Variants in IMPA2 observed in about 807,000 individuals in gnomAD.
The protein encoded by IMPA2 is inositol monophosphatase 2.
IMPA2 carries 32 observed loss-of-function variants against 35.1 expected under a neutral mutation model. That is an observed-to-expected ratio of 0.91 (90% CI 0.69 to 1.23). The LOEUF (loss-of-function observed/expected upper bound fraction) is 1.23, where lower values mean the gene tolerates loss of function less well. Among genes scored for constraint, IMPA2 ranks in the 50% most tolerant of loss-of-function variants. The probability of loss-of-function intolerance (pLI) is 0.00; values close to 1 mark genes in which losing one functional copy is unlikely to be tolerated. For synonymous variants in IMPA2, 135 were observed against 160.6 expected, an observed-to-expected ratio of 0.84 and a Z score of 1.20; for missense variants, 334 against 387.6, an observed-to-expected ratio of 0.86 and a Z score of 1.16.
chr18:11,997,631 C>A lies in IMPA2; in HGVS notation c.97-1423C>A, dbSNP rs370036262. 3.9e-5 allele frequency among the ~76,000 whole-genome samples: 6 copies of A among 152,274 alleles called. No homozygotes were observed. The East Asian group carries it at 7.7e-4, about 20-fold the overall frequency. ...TGAGTTTCGGGGGCTCCTGCCTGTT[C>A]TGTAGAATTCCCCGTGTGCTTCTTC... On this transcript the variant is annotated intron_variant, in intron 1 of 7. Coordinates refer to ENST00000269159, the MANE Select transcript of IMPA2 (RefSeq NM_014214.3).
intron 5 of IMPA2, among the ~76,000 whole-genome samples, chr18:12,021,511 G>A (rs964553228): frequency 6.6e-6 from 1 of 152,096 alleles, no homozygotes; most frequent in African/African-American, 2.4e-5. Flanking sequence ...CTCTTACTCT[G>A]TGAGTACGTA....
intron 4 of IMPA2, among the ~76,000 whole-genome samples, chr18:12,012,507 C>T (rs928777925): frequency 3.9e-5 from 6 of 152,172 alleles, no homozygotes; most frequent in Non-Finnish European, 8.8e-5. Context: ...CTTAAGTGAA[C>T]GGTCCAAGTG....
intron 1 of IMPA2, among the ~76,000 whole-genome samples, chr18:11,984,358 G>A (rs1906595171): frequency 6.6e-6 from 1 of 152,232 alleles, no homozygotes; most frequent in Non-Finnish European, 1.5e-5. Context: ...GGGCTTTTGG[G>A]GAGGGAGTGA....
intron 1 of IMPA2, among the ~76,000 whole-genome samples, chr18:11,984,904 T>C (rs531112823): frequency 2.2e-4 from 32 of 142,246 alleles, no homozygotes; most frequent in Admixed American, 2.1e-4. Flanking sequence ...GGAGGCGGAG[T>C]TTGCAGTGAG....
intron 5 of IMPA2, among the ~76,000 whole-genome samples, chr18:12,025,646 C>T (rs1907861089): frequency 6.6e-6 from 1 of 152,230 alleles, no homozygotes; most frequent in African/African-American, 2.4e-5. Flanking sequence ...GTGGTGTGAT[C>T]TTGGCTAACC....
chr18:12,012,137 C>T (rs1047503869), intron 3 of IMPA2, 33 bp from the exon 4 acceptor site: 2 of 1,610,520 alleles, frequency 1.2e-6, no homozygotes, highest in Non-Finnish European at 8.5e-7. Context: ...CGCTCTTGTT[C>T]CAGAGAGTAA....
Position 12,014,384 on chromosome 18 carries a change from C to G in IMPA2, c.490+11C>G. On this transcript the variant is annotated intron_variant, in intron 5 of 7. Transcript: ENST00000269159. ...TCTCCGGGGAGACAGGTGGGCTTCA[C>G]AACGCTCGTCTCAGTTTACTTCTGA... 1.3e-6 allele frequency: 2 copies of G among 1,501,350 alleles called. No homozygotes were observed. The highest frequency in any genetic ancestry group is 1.8e-6 in the Non-Finnish European group (2 of 1,099,950). The allele number at this position is 1,501,350 out of a possible 1,614,324, so 93.0% of individuals were successfully genotyped here.
intron 1 of IMPA2, among the ~76,000 whole-genome samples, chr18:11,983,088 T>G (rs1906553407): frequency 6.6e-6 from 1 of 152,312 alleles, no homozygotes; most frequent in East Asian, 1.9e-4. Context: ...TTCCTTCCCT[T>G]TGTAGTTTGA....
intron 5 of IMPA2, among the ~76,000 whole-genome samples, chr18:12,025,993 C>T (rs922800163): frequency 1.4e-4 from 21 of 151,452 alleles, no homozygotes; most frequent in Admixed American, 5.3e-4. Context: ...TAATTTAACA[C>T]GCATTCCCCA....
chr18:12,024,545 G>GA (rs1302959509), intron 5 of IMPA2, among the ~76,000 whole-genome samples: 1 of 152,162 alleles, frequency 6.6e-6, no homozygotes, highest in Non-Finnish European at 1.5e-5. Context: ...GAGTACATTA[G>GA]AAATAGGGTG....
chr18:12,017,258 T>C (rs898492998), intron 5 of IMPA2, among the ~76,000 whole-genome samples: 2 of 152,178 alleles, frequency 1.3e-5, no homozygotes, highest in African/African-American at 2.4e-5. Context: ...GCAGCACGCC[T>C]GCTTCGTGTG....
At chr18:12,022,941 ATTTTTTTTTTT>A (rs35737614) in intron 5 of IMPA2, among the ~76,000 whole-genome samples, 5 of 81,698 alleles carry the variant, frequency 6.1e-5, no homozygotes, top group African/African-American at 8.8e-5. Flanking sequence ...CGCCTGCCTA[ATTTTTTTTTTT>A]TTTTTTTTTT....
intron 1 of IMPA2, among the ~76,000 whole-genome samples, chr18:11,985,718 G>A (rs1906646699): frequency 6.6e-6 from 1 of 152,198 alleles, no homozygotes; most frequent in Non-Finnish European, 1.5e-5. Context: ...ACCATGCCAG[G>A]TGGGTCGGCG....
At chr18:11,987,611 A>C (rs1365530008) in intron 1 of IMPA2, among the ~76,000 whole-genome samples, 1 of 152,030 alleles carries the variant, frequency 6.6e-6, no homozygotes, top group Non-Finnish European at 1.5e-5. Context: ...GATTACAGGC[A>C]CGAGCCACTG....
Position 11,998,928 on chromosome 18 carries a change from GCCCCC to G in IMPA2, c.97-112_97-108del, listed in dbSNP as rs946987188. ...CAGAGCCACACCTGCTGCCCCCGCC[GCCCCC>G]CCCCCCCCCCCCCACCCAATGGCAG... On this transcript the variant is annotated intron_variant, in intron 1 of 7. Coordinates refer to ENST00000269159, the MANE Select transcript of IMPA2 (RefSeq NM_014214.3). 1.6e-4 allele frequency: 5 copies of G among 31,582 alleles called. No individual in the cohort carries two copies. In the African/African-American group the frequency reaches 1.7e-3, roughly 11 times the overall value. 2.0% of individuals were successfully genotyped at this position (31,582 alleles called of 1,614,324 possible).
chr18:12,000,893 G>A (rs1039750021), intron 2 of IMPA2, among the ~76,000 whole-genome samples: 1 of 151,086 alleles, frequency 6.6e-6, no homozygotes, highest in East Asian at 2.0e-4. Flanking sequence ...GGGATTACAG[G>A]TGTGATCCAC....
At chr18:12,013,834 G>A (rs1017232846) in intron 4 of IMPA2, among the ~76,000 whole-genome samples, 2 of 152,170 alleles carry the variant, frequency 1.3e-5, no homozygotes, top group East Asian at 1.9e-4. Flanking sequence ...CTGAGATTCC[G>A]CTGGCTTTAC....
In IMPA2 at chr18:12,028,925, A is replaced by G. The variant is rs1598708234; in HGVS notation, c.683A>G (p.His228Arg). 6.2e-7 allele frequency: 1 copy of G among 1,613,960 alleles called. No homozygotes were observed. The change falls in exon 7 of 8, where the codon CAC (histidine) becomes CGC (arginine). Residue 228 changes from histidine (H) to arginine (R), a missense_variant. Transcript: ENST00000269159. The part of the protein sequence containing the change: ...AADAYYQFGL[H>R]CWDLAAATVI... ...GATGCCTATTACCAGTTTGGCCTGC[A>G]CTGCTGGGATCTGGCGGCTGCCACA...
At chr18:12,017,701 G>T in intron 5 of IMPA2, 1 of 380,216 alleles carries the variant, frequency 2.6e-6, no homozygotes, top group Non-Finnish European at 5.2e-6. Context: ...CAATTCTCCT[G>T]CCTCATCCTC....
Sources: gnomAD v4.1 joint callset for allele counts (sites outside exome capture counted in the v4.1 genomes callset) on GRCh38, gnomAD v4.1.1 for gene constraint, MANE v1.5 for transcripts, NCBI Gene and HGNC (gene_info 2026-07-23, HGNC 2026-07-21) for gene names.